Variants in CDYL2 observed in about 807,000 individuals in gnomAD.
CDYL2 encodes chromodomain Y like 2.
CDYL2 carries 23 observed loss-of-function variants against 49.4 expected under a neutral mutation model. That is an observed-to-expected ratio of 0.47 (90% CI 0.34 to 0.66). The LOEUF is 0.66. Ranked by LOEUF, CDYL2 falls within the 30% of genes least tolerant of loss-of-function variation. The probability of loss-of-function intolerance (pLI) is 0.01; values close to 1 mark genes in which losing one functional copy is unlikely to be tolerated. For synonymous variants in CDYL2, 360 were observed against 268.8 expected, an observed-to-expected ratio of 1.34 and a Z score of -3.32; for missense variants, 678 against 656.4, an observed-to-expected ratio of 1.03 and a Z score of -0.36.
chr16:80,668,855 C>G (rs1392588497), intron 2 of CDYL2, among the ~76,000 whole-genome samples: 2 of 152,010 alleles, frequency 1.3e-5, no homozygotes, highest in Non-Finnish European at 2.9e-5. Context: ...GCCGAGATCA[C>G]CCCACTGCAC....
At chr16:80,796,737 C>T (rs1169701182) in intron 1 of CDYL2, among the ~76,000 whole-genome samples, 1 of 152,180 alleles carries the variant, frequency 6.6e-6, no homozygotes, top group Non-Finnish European at 1.5e-5. Flanking sequence ...CCCTGGATAT[C>T]ACATTCACTT....
intron 1 of CDYL2, among the ~76,000 whole-genome samples, chr16:80,762,053 G>A (rs1305568435): frequency 6.6e-6 from 1 of 151,978 alleles, no homozygotes; most frequent in South Asian, 2.1e-4. Flanking sequence ...AGGCATAGTG[G>A]TACACAACAG....
chr16:80,691,293 A>G (rs1359165132), intron 1 of CDYL2, among the ~76,000 whole-genome samples: 2 of 152,326 alleles, frequency 1.3e-5, no homozygotes, highest in Admixed American at 6.5e-5. Context: ...CTCAGGAAGG[A>G]TAAAGAGGGC....
chr16:80,803,422 G>A (rs1192345866), intron 1 of CDYL2, among the ~76,000 whole-genome samples: 4 of 152,176 alleles, frequency 2.6e-5, no homozygotes, highest in South Asian at 2.1e-4. Context: ...CCCACCCAGG[G>A]CCCTCCGCAG....
intron 3 of CDYL2, 194 bp downstream of exon 3, chr16:80,632,825 T>C: frequency 1.7e-6 from 1 of 572,310 alleles, no homozygotes; most frequent in South Asian, 2.0e-5. Flanking sequence ...GAGGGTATCA[T>C]TACACGGTCA....
rs114538652 is a variant in CDYL2, at chr16:80,650,540, C to T, written c.617-17304G>A. On this transcript the variant is annotated intron_variant, in intron 2 of 6. Coordinates refer to ENST00000570137, the MANE Select transcript of CDYL2 (RefSeq NM_152342.4). ...TGGTGGGAATGTAAATTAGTACAAC[C>T]ACTATGCAAAACAGTTGGATGGTTC... Among the ~76,000 whole-genome samples the T allele has an allele frequency of 4.9e-3, 753 of 152,224 alleles. 4 individuals carry two copies. Among genetic ancestry groups the T allele is most frequent in the African/African-American group, 0.017 (723 of 41,534 alleles).
chr16:80,795,070 G>C (rs773439569), intron 1 of CDYL2, among the ~76,000 whole-genome samples: 1 of 152,252 alleles, frequency 6.6e-6, no homozygotes, highest in Admixed American at 6.5e-5. Context: ...AGTTCCCATG[G>C]CTTGTTAGTA....
intron 2 of CDYL2, chr16:80,679,732 A>G (rs1275665293): frequency 2.2e-6 from 1 of 456,080 alleles, no homozygotes; most frequent in South Asian, 1.5e-5. Flanking sequence ...CCTCAATACC[A>G]CCACCTGGCA....
intron 2 of CDYL2, among the ~76,000 whole-genome samples, chr16:80,656,890 G>C (rs1908837753): frequency 6.6e-6 from 1 of 152,174 alleles, no homozygotes. Context: ...GGGAGCCCAG[G>C]CTTAGAGCTG....
intron 1 of CDYL2, among the ~76,000 whole-genome samples, chr16:80,730,039 G>C (rs1009688883): frequency 6.6e-5 from 10 of 152,058 alleles, no homozygotes; most frequent in African/African-American, 1.9e-4. Context: ...ACAATTAAAA[G>C]AACTAGAAAA....
chr16:80,803,130 C>T (rs1907977113), intron 1 of CDYL2, among the ~76,000 whole-genome samples: 1 of 152,182 alleles, frequency 6.6e-6, no homozygotes, highest in Non-Finnish European at 1.5e-5. Flanking sequence ...GGAGTGGTGG[C>T]TGGCTGTTCC....
intron 1 of CDYL2, among the ~76,000 whole-genome samples, chr16:80,722,230 A>T (rs1299964503): frequency 6.6e-6 from 1 of 152,232 alleles, no homozygotes. Context: ...ATGAATAAAT[A>T]AGTGAATGAA....
rs781467338 is a variant in CDYL2, at chr16:80,604,239, G to C, written c.*149C>G. The C allele has an allele frequency of 9.9e-5, 85 of 856,156 alleles. No homozygotes were observed. The highest frequency in any genetic ancestry group is 1.5e-4 in the Non-Finnish European group (82 of 551,492). The allele number at this position is 856,156 out of a possible 1,614,324, so 53.0% of individuals were successfully genotyped here. A position where few individuals can be genotyped will look rare whatever the true frequency, so the allele number is the denominator to read the frequency against. On this transcript the variant is annotated 3_prime_UTR_variant, in exon 7 of 7. Transcript: ENST00000570137. ...ATCCATTACACAAAATCAAACCAAG[G>C]AGGAGCAACCAAAGGACACGAGGAA... is the stretch of plus-strand genomic sequence containing the variant.
intron 3 of CDYL2, among the ~76,000 whole-genome samples, chr16:80,622,326 C>A (rs1907118320): frequency 6.6e-6 from 1 of 152,332 alleles, no homozygotes; most frequent in Admixed American, 6.5e-5. Context: ...CACCTTTGCA[C>A]ATGCCAATCT....
chr16:80,725,076 C>G (rs1189448145), intron 1 of CDYL2, among the ~76,000 whole-genome samples: 1 of 152,174 alleles, frequency 6.6e-6, no homozygotes, highest in Non-Finnish European at 1.5e-5. Context: ...TCTATCGGTT[C>G]CAAGGACATG....
chr16:80,700,431 A>G (rs1296329787), intron 1 of CDYL2, among the ~76,000 whole-genome samples: 3 of 152,236 alleles, frequency 2.0e-5, no homozygotes, highest in African/African-American at 4.8e-5. Context: ...CATTTGCAAC[A>G]AAAGAGTAAC....
At chr16:80,795,997 G>A (rs1028196022) in intron 1 of CDYL2, among the ~76,000 whole-genome samples, 23 of 152,300 alleles carry the variant, frequency 1.5e-4, no homozygotes, top group African/African-American at 4.3e-4. Context: ...TGGAGTTGTG[G>A]ACAACAACCC....
At chr16:80,733,294 T>C (rs918671835) in intron 1 of CDYL2, among the ~76,000 whole-genome samples, 5 of 152,192 alleles carry the variant, frequency 3.3e-5, no homozygotes, top group African/African-American at 9.7e-5. Flanking sequence ...AAAGGGGCCA[T>C]AGTTGCAGCA....
At chr16:80,683,601 G>A (rs185895936) in intron 2 of CDYL2, among the ~76,000 whole-genome samples, 5 of 152,302 alleles carry the variant, frequency 3.3e-5, no homozygotes, top group East Asian at 3.9e-4. Context: ...ACAGCATTTA[G>A]GACCCACTAC....
Sources: allele counts gnomAD v4.1 joint callset (sites outside exome capture counted in the v4.1 genomes callset), GRCh38; gene constraint gnomAD v4.1.1; transcripts MANE v1.5; gene names NCBI Gene and HGNC (gene_info 2026-07-23, HGNC 2026-07-21).